The following SDCCAG8 variants were observed in gnomAD, a reference collection of about 807,000 sequenced individuals.
SDCCAG8 encodes the protein serologically defined colon cancer antigen 8.
SDCCAG8 carries 74 observed loss-of-function variants against 101.8 expected under a neutral mutation model. That is an observed-to-expected ratio of 0.73 (90% CI 0.60 to 0.88). The LOEUF is 0.88. Ranked by LOEUF, SDCCAG8 falls within the 40% of genes least tolerant of loss-of-function variation. SDCCAG8 has a pLI of 0.00. For missense variants in SDCCAG8, 787 were observed against 822.6 expected, an observed-to-expected ratio of 0.96 and a Z score of 0.53; for synonymous variants, 281 against 292.9, an observed-to-expected ratio of 0.96 and a Z score of 0.41.
rs1479000209 is a variant in SDCCAG8 at position 243,330,690 on chromosome 1, A to G, written c.1219A>G (p.Lys407Glu). 2 of 1,614,098 alleles carry G rather than the reference A, an allele frequency of 1.2e-6. No individual in the cohort carries two copies. The highest frequency in any genetic ancestry group is 1.7e-6 in the Non-Finnish European group (2 of 1,179,972). ...GAAAGAAAGGGAGTACATGGGATCA[A>G]AGGTACTTAAGGACTCTGCTGTTAT... ...ITKEREYMGSKMLILSQNIAQ... is the reference protein window; with the variant it reads ...ITKEREYMGSEMLILSQNIAQ... The change falls in exon 10 of 18, where the codon AAG becomes GAG. Residue 407 changes from lysine (K) to glutamate (E), a missense_variant and splice_region_variant. Transcript: ENST00000366541.
At chr1:243,464,362 T>G (rs1168352867) in intron 16 of SDCCAG8, among the ~76,000 whole-genome samples, 1 of 152,216 alleles carries the variant, frequency 6.6e-6, no homozygotes, top group African/African-American at 2.4e-5. Flanking sequence ...TGTCTAGTAT[T>G]CAAGCAGATT....
intron 13 of SDCCAG8, among the ~76,000 whole-genome samples, chr1:243,383,719 C>G (rs2078097184): frequency 6.6e-6 from 1 of 152,158 alleles, no homozygotes; most frequent in African/African-American, 2.4e-5. Context: ...TTGCTATACT[C>G]TGAAAACCTT....
intron 1 of SDCCAG8, among the ~76,000 whole-genome samples, chr1:243,264,475 G>A (rs899096660): frequency 6.6e-6 from 1 of 152,102 alleles, no homozygotes; most frequent in African/African-American, 2.4e-5. Flanking sequence ...TTACCCAGGT[G>A]TGGTGGTGCA....
intron 15 of SDCCAG8, among the ~76,000 whole-genome samples, chr1:243,422,815 A>G (rs2081096362): frequency 6.6e-6 from 1 of 152,210 alleles, no homozygotes; most frequent in Admixed American, 6.5e-5. Context: ...AGTAAAATAT[A>G]TTTCATGCAA....
chr1:243,391,250 A>G (rs1355834593), intron 13 of SDCCAG8, among the ~76,000 whole-genome samples: 3 of 152,226 alleles, frequency 2.0e-5, no homozygotes, highest in African/African-American at 7.2e-5. Flanking sequence ...ATTAAAGCTC[A>G]TTTTAAGGAT....
rs139858957 is a variant in SDCCAG8 at position 243,459,794 on chromosome 1, G to A, written c.1986-29220G>A. Among the ~76,000 whole-genome samples the A allele has an allele frequency of 6.5e-3, 990 of 152,118 alleles. 11 individuals carry two copies. The highest frequency in any genetic ancestry group is 9.8e-3 in the Non-Finnish European group (667 of 67,972). ...TGATATTTTTATTTTTTCTGGTGATGAGGTCTCACTACATTGCCCAGGCTG... is the reference window on the plus strand; with the variant it reads ...TGATATTTTTATTTTTTCTGGTGATAAGGTCTCACTACATTGCCCAGGCTG... On this transcript the variant is annotated intron_variant, in intron 16 of 17. Transcript: ENST00000366541.
At chr1:243,390,362 C>A (rs574766733) in intron 13 of SDCCAG8, among the ~76,000 whole-genome samples, 1 of 152,318 alleles carries the variant, frequency 6.6e-6, no homozygotes, top group Non-Finnish European at 1.5e-5. Context: ...TTCCTTCCCC[C>A]ACCCAGTATC....
At chr1:243,478,462 C>T (rs1243542491) in intron 16 of SDCCAG8, among the ~76,000 whole-genome samples, 1 of 152,102 alleles carries the variant, frequency 6.6e-6, no homozygotes, top group Non-Finnish European at 1.5e-5. Flanking sequence ...GGGGGCATCC[C>T]CAAGGAGCCC....
intron 16 of SDCCAG8, among the ~76,000 whole-genome samples, chr1:243,481,023 G>A (rs1402416255): frequency 6.6e-6 from 1 of 151,986 alleles, no homozygotes; most frequent in Admixed American, 6.5e-5. Context: ...AGAGAGAGGA[G>A]CATTAGAAGG....
chr1:243,415,152 A>T (rs972690003), intron 13 of SDCCAG8, among the ~76,000 whole-genome samples: 2 of 152,136 alleles, frequency 1.3e-5, no homozygotes, highest in Non-Finnish European at 2.9e-5. Flanking sequence ...ATTTGTATTC[A>T]TATTCACATT....
At chr1:243,463,781 CTG>C (rs1659594227) in intron 16 of SDCCAG8, among the ~76,000 whole-genome samples, 1 of 152,206 alleles carries the variant, frequency 6.6e-6, no homozygotes, top group African/African-American at 2.4e-5. Flanking sequence ...ACCTTTGACT[CTG>C]TTTGCCTGGG....
chr1:243,297,306 CAT>C lies in SDCCAG8; in HGVS notation c.675+4090_675+4091del, dbSNP rs371406170. Among the ~76,000 whole-genome samples the C allele has an allele frequency of 4.9e-3, 739 of 152,336 alleles. 9 individuals are homozygous for C. The highest frequency in any genetic ancestry group is 0.017 in the African/African-American group (709 of 41,572). On this transcript the variant is annotated intron_variant, in intron 6 of 17. Transcript: ENST00000366541. ...TTCTTTGGTGGGTCTGCTATATGAA[CAT>C]ATGACTTTATCCATCTGCTGTCAAG... is the stretch of plus-strand genomic sequence containing the variant.
intron 5 of SDCCAG8, among the ~76,000 whole-genome samples, chr1:243,291,428 C>T (rs1192487049): frequency 6.6e-6 from 1 of 152,200 alleles, no homozygotes; most frequent in Non-Finnish European, 1.5e-5. Context: ...TTCACTGCCA[C>T]ATGGCAGTGA....
chr1:243,271,837 C>T (rs191775880), intron 3 of SDCCAG8, among the ~76,000 whole-genome samples: 188 of 152,188 alleles, frequency 1.2e-3, no homozygotes, highest in African/African-American at 3.7e-3. Flanking sequence ...AGCCACCGCG[C>T]CTGGCCTCAA....
chr1:243,267,653 T>TA (rs1261373300), intron 1 of SDCCAG8: 5 of 753,696 alleles, frequency 6.6e-6, no homozygotes, highest in African/African-American at 3.4e-5. Context: ...ATGTAACACT[T>TA]ACACACACTT....
chr1:243,490,005 G>T (rs1240199157), intron 17 of SDCCAG8, among the ~76,000 whole-genome samples: 1 of 152,208 alleles, frequency 6.6e-6, no homozygotes, highest in African/African-American at 2.4e-5. Flanking sequence ...GCTGACCAAG[G>T]CCTCCGCCTT....
At chr1:243,361,030 C>T (rs575808790) in intron 12 of SDCCAG8, among the ~76,000 whole-genome samples, 95 of 152,194 alleles carry the variant, frequency 6.2e-4, no homozygotes, top group Non-Finnish European at 1.1e-3. Flanking sequence ...TGGTCATTTT[C>T]GTTTGGGCCT....
chr1:243,320,528 C>T (rs1024602721), intron 9 of SDCCAG8, among the ~76,000 whole-genome samples: 12 of 152,246 alleles, frequency 7.9e-5, no homozygotes, highest in African/African-American at 2.6e-4. Flanking sequence ...ACTCAGCTAT[C>T]GTCAAAGGCA....
At chr1:243,392,145 G>T (rs148433967) in intron 13 of SDCCAG8, among the ~76,000 whole-genome samples, 1 of 152,162 alleles carries the variant, frequency 6.6e-6, no homozygotes, top group Admixed American at 6.5e-5. Context: ...CTCATTCAGC[G>T]TTTTGTAAAT....
Sources: gnomAD v4.1 joint callset for allele counts (sites outside exome capture counted in the v4.1 genomes callset) on GRCh38, gnomAD v4.1.1 for gene constraint, MANE v1.5 for transcripts, NCBI Gene and HGNC (gene_info 2026-07-23, HGNC 2026-07-21) for gene names.